The following MSRA variants were observed in gnomAD, a reference collection of about 807,000 sequenced individuals.
The protein encoded by MSRA is methionine sulfoxide reductase A, also known as mitochondrial peptide methionine sulfoxide reductase.
A neutral mutation model predicts 31.3 loss-of-function variants in MSRA; 54 were observed. The ratio of observed to expected loss-of-function variants is 1.73; its 90% CI spans 1.39 to 2.17. The LOEUF is 2.17. MSRA is among the 30% of genes most tolerant of loss of function. The pLI is 0.00. For missense variants in MSRA, 507 were observed against 300.9 expected, an observed-to-expected ratio of 1.69 and a Z score of -5.07; for synonymous variants, 169 against 116.5, an observed-to-expected ratio of 1.45 and a Z score of -2.90.
intron 5 of MSRA, among the ~76,000 whole-genome samples, chr8:10,420,405 C>T (rs1388596268): frequency 6.6e-6 from 1 of 151,852 alleles, no homozygotes; most frequent in African/African-American, 2.4e-5. Context: ...TATGGGGAGA[C>T]TCTTTGAATC....
At chr8:10,262,217 T>C (rs920228934) in intron 3 of MSRA, among the ~76,000 whole-genome samples, 2 of 152,222 alleles carry the variant, frequency 1.3e-5, no homozygotes, top group African/African-American at 4.8e-5. Flanking sequence ...TGCACATAAG[T>C]TTTTAACTCA....
intron 1 of MSRA, among the ~76,000 whole-genome samples, chr8:10,077,858 G>T (rs1798071366): frequency 6.6e-6 from 1 of 151,984 alleles, no homozygotes; most frequent in Non-Finnish European, 1.5e-5. Context: ...CTCATCCCCG[G>T]CCATGTGTTA....
At chr8:10,184,555 C>A (rs142348378) in intron 1 of MSRA, among the ~76,000 whole-genome samples, 1 of 152,014 alleles carries the variant, frequency 6.6e-6, no homozygotes, top group African/African-American at 2.4e-5. Context: ...TTTAACACTT[C>A]CCTGATCGGT....
intron 1 of MSRA, among the ~76,000 whole-genome samples, chr8:10,148,862 G>A (rs1803399123): frequency 6.7e-6 from 1 of 148,870 alleles, no homozygotes; most frequent in African/African-American, 2.5e-5. Flanking sequence ...TTGTTGAGAA[G>A]TAATTAAAGA....
At chr8:10,101,488 T>G (rs1463431184) in intron 1 of MSRA, among the ~76,000 whole-genome samples, 1 of 152,196 alleles carries the variant, frequency 6.6e-6, no homozygotes, top group Non-Finnish European at 1.5e-5. Context: ...CTTTTCATCT[T>G]GCAAAACCAA....
rs567456991 is a variant in MSRA at position 10,084,837 on chromosome 8, C to G, written c.142+30179C>G. On this transcript the variant is annotated intron_variant, in intron 1 of 5. Transcript: ENST00000317173. ...GAATGTTTTTAATCTTCAGTACTTG[C>G]TATCGTCTTTTTTAATAGAAATAAG... Among the ~76,000 whole-genome samples the G allele has an allele frequency of 1.3e-5, 2 of 152,118 alleles. 1 individual carries two copies.
chr8:10,087,441 G>C (rs1447741260), intron 1 of MSRA, among the ~76,000 whole-genome samples: 1 of 152,220 alleles, frequency 6.6e-6, no homozygotes. Flanking sequence ...TTCAGAGAGT[G>C]CTGGAGAGAA....
chr8:10,194,844 G>C (rs1469162970), intron 1 of MSRA, among the ~76,000 whole-genome samples: 1 of 152,224 alleles, frequency 6.6e-6, no homozygotes, highest in Non-Finnish European at 1.5e-5. Flanking sequence ...CCTGGGAAGA[G>C]ACTCCTGGGC....
intron 5 of MSRA, among the ~76,000 whole-genome samples, chr8:10,338,027 C>G (rs531446449): frequency 6.6e-6 from 1 of 151,876 alleles, no homozygotes; most frequent in South Asian, 2.1e-4. Context: ...AAGGGGTGAT[C>G]AAAGAGCAGC....
chr8:10,058,267 A>G (rs988753816), intron 1 of MSRA, among the ~76,000 whole-genome samples: 1 of 152,212 alleles, frequency 6.6e-6, no homozygotes, highest in Non-Finnish European at 1.5e-5. Flanking sequence ...AAATTGAACT[A>G]CACTAATGAC....
chr8:10,316,527 C>CCT (rs139421344), intron 4 of MSRA, among the ~76,000 whole-genome samples: 5,714 of 112,238 alleles, frequency 0.051, 501 homozygotes, highest in Middle Eastern at 0.1. Context: ...TTTGATGATC[C>CCT]CTCTCTCTCT....
At chr8:10,252,781 T>G (rs1797985272) in intron 3 of MSRA, among the ~76,000 whole-genome samples, 1 of 152,108 alleles carries the variant, frequency 6.6e-6, no homozygotes. Flanking sequence ...TATACAAGGG[T>G]GATGGCATTG....
At chr8:10,340,801 T>G (rs928653708) in intron 5 of MSRA, among the ~76,000 whole-genome samples, 5 of 152,228 alleles carry the variant, frequency 3.3e-5, no homozygotes, top group African/African-American at 1.2e-4. Context: ...TATACAAACT[T>G]AAAACCTGCA....
intron 1 of MSRA, among the ~76,000 whole-genome samples, chr8:10,175,915 A>T (rs73191547): frequency 0.28 from 42,771 of 152,182 alleles, 6,803 homozygotes; most frequent in East Asian, 0.47. Flanking sequence ...CAATAGATGT[A>T]GCAGAATGGG....
At chr8:10,156,098 CA>C (rs1354783134) in intron 1 of MSRA, among the ~76,000 whole-genome samples, 3 of 151,984 alleles carry the variant, frequency 2.0e-5, no homozygotes, top group Admixed American at 6.6e-5. Flanking sequence ...TCGATGCTGC[CA>C]AGGAGAATGT....
intron 1 of MSRA, among the ~76,000 whole-genome samples, chr8:10,203,573 G>T (rs925999289): frequency 6.6e-6 from 1 of 152,180 alleles, no homozygotes; most frequent in African/African-American, 2.4e-5. Flanking sequence ...TGGTCACACT[G>T]TTGTAAACAA....
In MSRA at chr8:10,162,352, G is replaced by A. The variant is rs78183317; in HGVS notation, c.143-45481G>A. Reference sequence around the variant, plus strand: ...TTCTCTCCTTGCACCATGGGAGGACGAAATGGGAGTCTGGCCATCTGTAGC... The same window carrying A: ...TTCTCTCCTTGCACCATGGGAGGACAAAATGGGAGTCTGGCCATCTGTAGC... On this transcript the variant is annotated intron_variant, in intron 1 of 5. Coordinates refer to ENST00000317173, the MANE Select transcript of MSRA (RefSeq NM_012331.5). Among the ~76,000 whole-genome samples the A allele has an allele frequency of 5.5e-3, 839 of 152,086 alleles. 6 individuals are homozygous for A. Among genetic ancestry groups the A allele is most frequent in the African/African-American group, 0.019 (796 of 41,492 alleles).
At position 10,059,668 on chromosome 8, in the gene MSRA, C is replaced by T. The variant is rs193145208; in HGVS notation, c.142+5010C>T. Among the ~76,000 whole-genome samples the T allele has an allele frequency of 5.5e-3, 842 of 152,268 alleles. 4 individuals are homozygous for T. The highest frequency in any genetic ancestry group is 9.2e-3 in the Non-Finnish European group (623 of 68,006). On this transcript the variant is annotated intron_variant, in intron 1 of 5. Transcript: ENST00000317173. ...AATTAGATCATATCACAGTAAAATT[C>T]TTCTGCATGGCAAAAATCATCATAA...
chr8:10,080,186 C>A (rs1380847332), intron 1 of MSRA, among the ~76,000 whole-genome samples: 1 of 152,162 alleles, frequency 6.6e-6, no homozygotes, highest in Non-Finnish European at 1.5e-5. Flanking sequence ...ACAGTTACGA[C>A]ATTCTCTTTC....
Sources: gnomAD v4.1 joint callset for allele counts (sites outside exome capture counted in the v4.1 genomes callset) on GRCh38, gnomAD v4.1.1 for gene constraint, MANE v1.5 for transcripts, NCBI Gene and HGNC (gene_info 2026-07-23, HGNC 2026-07-21) for gene names.